Variants in ITM2B observed in about 807,000 individuals in gnomAD.
ITM2B encodes ABri/ADan amyloid peptide.
Under a neutral mutation model 27.8 loss-of-function variants are expected in ITM2B, and 11 were observed. That is an observed-to-expected ratio of 0.40 (90% CI 0.25 to 0.66). The LOEUF (loss-of-function observed/expected upper bound fraction) is 0.66, where lower values mean the gene tolerates loss of function less well. Ranked by LOEUF, ITM2B falls within the 30% of genes least tolerant of loss-of-function variation. The pLI, the probability that ITM2B is intolerant of heterozygous loss-of-function variation, is 0.43. For synonymous variants in ITM2B, 114 were observed against 114.3 expected (o/e 1.00, Z 0.02); for missense variants, 296 against 328.9 (o/e 0.90, Z 0.77).
intron 1 of ITM2B, among the ~76,000 whole-genome samples, chr13:48,245,140 A>G (rs946824754): frequency 1.3e-5 from 2 of 152,216 alleles, no homozygotes; most frequent in African/African-American, 4.8e-5. Flanking sequence ...AGCCTGGCCA[A>G]CATGGTGAGA....
rs1951864196 is a variant in ITM2B, at chr13:48,268,298, TA to T, written c.*7075del. On this transcript the variant is annotated 3_prime_UTR_variant, in exon 6 of 6. Coordinates refer to ENST00000647800, the MANE Select transcript of ITM2B (RefSeq NM_021999.5). ...TGTGTGTGTGTGTGCTTTTTAAATTTATTTTTTATTTTTTTTTTTTTGAGAC... is the reference window on the plus strand; with the variant it reads ...TGTGTGTGTGTGTGCTTTTTAAATTTTTTTTTATTTTTTTTTTTTTGAGAC... 1 of 151,352 alleles carries T rather than the reference TA, an allele frequency of 6.6e-6. No homozygotes were observed. The highest frequency in any genetic ancestry group is 2.4e-5 in the African/African-American group (1 of 41,058). The allele number at this position is 151,352 out of a possible 1,614,324, so 9.4% of individuals were successfully genotyped here.
intron 1 of ITM2B, among the ~76,000 whole-genome samples, chr13:48,250,150 A>C (rs757342154): frequency 5.9e-5 from 9 of 152,196 alleles, no homozygotes; most frequent in Admixed American, 1.3e-4. Context: ...AGTATATTGC[A>C]AATAGCAAGC....
chr13:48,235,380 A>G (rs1021056988), intron 1 of ITM2B, among the ~76,000 whole-genome samples: 2 of 152,188 alleles, frequency 1.3e-5, no homozygotes, highest in Admixed American at 1.3e-4. Flanking sequence ...GAAAAATACT[A>G]CTGGGACTAA....
At position 48,262,608 on chromosome 13, in the gene ITM2B, A is replaced by T; in HGVS notation, c.*1384A>T. ...CATGAATTTTCAGGGAGCTGTGAACATTTAGGAGCACATTATTCATTCAGC... is the reference window on the plus strand; with the variant it reads ...CATGAATTTTCAGGGAGCTGTGAACTTTTAGGAGCACATTATTCATTCAGC... On this transcript the variant is annotated 3_prime_UTR_variant, in exon 6 of 6. Transcript: ENST00000647800. The T allele has an allele frequency of 6.6e-6, 1 of 152,096 alleles. No individual in the cohort carries two copies. Among genetic ancestry groups the T allele is most frequent in the East Asian group, 1.9e-4 (1 of 5,190 alleles). 9.4% of individuals were successfully genotyped at this position (152,096 alleles called of 1,614,324 possible).
At chr13:48,244,732 A>G (rs1020811107) in intron 1 of ITM2B, among the ~76,000 whole-genome samples, 1 of 152,120 alleles carries the variant, frequency 6.6e-6, no homozygotes, top group African/African-American at 2.4e-5. Context: ...TTTTTCTTTA[A>G]TCTTGACACT....
intron 1 of ITM2B, among the ~76,000 whole-genome samples, chr13:48,240,058 CACTT>C (rs1205909491): frequency 6.6e-6 from 1 of 152,196 alleles, no homozygotes; most frequent in Non-Finnish European, 1.5e-5. Flanking sequence ...TTGTCTCTAT[CACTT>C]ACTTTGATAC....
rs1242199991 is a variant in ITM2B at position 48,265,818 on chromosome 13, T to C, written c.*4594T>C. ...AGGTGACCCTTCCTCAAGAGAAGATTTTCCTGAACCATTAGGAAAGGCTTC... is the reference window on the plus strand; with the variant it reads ...AGGTGACCCTTCCTCAAGAGAAGATCTTCCTGAACCATTAGGAAAGGCTTC... On this transcript the variant is annotated 3_prime_UTR_variant, in exon 6 of 6. Transcript: ENST00000647800. 1 of 152,190 alleles carries C rather than the reference T, an allele frequency of 6.6e-6. No individual in the cohort carries two copies. The highest frequency in any genetic ancestry group is 1.5e-5 in the Non-Finnish European group (1 of 68,036). 9.4% of individuals were successfully genotyped at this position (152,190 alleles called of 1,614,324 possible). A position where few individuals can be genotyped will look rare whatever the true frequency, so the allele number is the denominator to read the frequency against.
chr13:48,244,454 C>G (rs1951714933), intron 1 of ITM2B, among the ~76,000 whole-genome samples: 1 of 152,200 alleles, frequency 6.6e-6, no homozygotes, highest in South Asian at 2.1e-4. Context: ...TGTAGAGAGA[C>G]AAGTATTCCT....
chr13:48,233,510 C>A, intron 1 of ITM2B, 33 bp downstream of exon 1: 2 of 1,428,422 alleles, frequency 1.4e-6, no homozygotes, highest in Non-Finnish European at 9.4e-7. Flanking sequence ...GAAGCGGGTG[C>A]TGGGCCCGGC....
chr13:48,243,374 A>G lies in ITM2B; in HGVS notation c.117+9897A>G, dbSNP rs533992866. Among the ~76,000 whole-genome samples the G allele has an allele frequency of 9.4e-4, 143 of 152,276 alleles. 1 individual carries two copies. The highest frequency in any genetic ancestry group is 3.1e-3 in the African/African-American group (130 of 41,546). On this transcript the variant is annotated intron_variant, in intron 1 of 5. Coordinates refer to ENST00000647800, the MANE Select transcript of ITM2B (RefSeq NM_021999.5). Reference sequence around the variant, plus strand: ...TTAAGTTCACATGTATGTGATTTTAATACTTTTTGCTACCATCCTTTGTAA... The same window carrying G: ...TTAAGTTCACATGTATGTGATTTTAGTACTTTTTGCTACCATCCTTTGTAA...
In ITM2B at chr13:48,261,424, G is replaced by C. The variant is rs910950038; in HGVS notation, c.*200G>C. 22 of 506,472 alleles carry C rather than the reference G, an allele frequency of 4.3e-5. No homozygotes were observed. The highest frequency in any genetic ancestry group is 5.2e-4 in the Middle Eastern group (1 of 1,906). The allele number at this position is 506,472 out of a possible 1,614,324, so 31.4% of individuals were successfully genotyped here. On this transcript the variant is annotated 3_prime_UTR_variant, in exon 6 of 6. Coordinates refer to ENST00000647800, the MANE Select transcript of ITM2B (RefSeq NM_021999.5). ...TCGAAGTGTGGTGTCTTTTATATTTGAATTAGTAACTGTATGAAGTCATAG... is the reference window on the plus strand; with the variant it reads ...TCGAAGTGTGGTGTCTTTTATATTTCAATTAGTAACTGTATGAAGTCATAG...
chr13:48,237,957 C>T (rs1405365391), intron 1 of ITM2B, among the ~76,000 whole-genome samples: 5 of 151,954 alleles, frequency 3.3e-5, no homozygotes, highest in African/African-American at 9.7e-5. Context: ...TTTTGGCAAA[C>T]GTGGCATTTT....
rs890919351 is a variant in ITM2B, at chr13:48,255,461, A to AT, written c.247-709dup. ...AGGTGCGTGGCACCATACCCAGCTA[A>AT]TTTTTTTATTTTTTGTGGAGACAGG... On this transcript the variant is annotated intron_variant, in intron 2 of 5. Coordinates refer to ENST00000647800, the MANE Select transcript of ITM2B (RefSeq NM_021999.5). 4.6e-5 allele frequency among the ~76,000 whole-genome samples: 7 copies of AT among 151,752 alleles called. No homozygotes were observed. The East Asian group carries it at 7.8e-4, about 17-fold the overall frequency.
chr13:48,267,057 T>C lies in ITM2B; in HGVS notation c.*5833T>C, dbSNP rs1402987395. 6.6e-6 allele frequency: 1 copy of C among 152,140 alleles called. No homozygotes were observed. The highest frequency in any genetic ancestry group is 1.5e-5 in the Non-Finnish European group (1 of 68,020). 9.4% of individuals were successfully genotyped at this position (152,140 alleles called of 1,614,324 possible). On this transcript the variant is annotated 3_prime_UTR_variant, in exon 6 of 6. Coordinates refer to ENST00000647800, the MANE Select transcript of ITM2B (RefSeq NM_021999.5). ...GAGGATGCCATTTGTATTTAGTAGATGAGGCCAGGCAGGATGCTAAATGTC... is the reference window on the plus strand; with the variant it reads ...GAGGATGCCATTTGTATTTAGTAGACGAGGCCAGGCAGGATGCTAAATGTC...
intron 4 of ITM2B, 137 bp downstream of exon 4, chr13:48,258,373 G>A: frequency 3.0e-6 from 2 of 659,100 alleles, no homozygotes; most frequent in Non-Finnish European, 5.5e-6. Context: ...TAATACTCAT[G>A]GTTTTTGTTT....
chr13:48,237,880 T>C (rs767347885), intron 1 of ITM2B, among the ~76,000 whole-genome samples: 2 of 152,190 alleles, frequency 1.3e-5, no homozygotes, highest in African/African-American at 4.8e-5. Flanking sequence ...TGTATGTCAG[T>C]GTCAGTAAAG....
intron 1 of ITM2B, among the ~76,000 whole-genome samples, chr13:48,247,125 C>T (rs541278850): frequency 6.8e-4 from 104 of 152,138 alleles, no homozygotes; most frequent in Non-Finnish European, 1.1e-3. Flanking sequence ...TGCGCTTGGC[C>T]GGGAAATCCT....
intron 1 of ITM2B, among the ~76,000 whole-genome samples, chr13:48,252,900 C>A (rs1951763110): frequency 6.6e-6 from 1 of 152,110 alleles, no homozygotes; most frequent in Non-Finnish European, 1.5e-5. Flanking sequence ...GGGTACAAAT[C>A]AGAAATTTGC....
At position 48,258,838 on chromosome 13, in the gene ITM2B, C is replaced by T. The variant is rs775963867; in HGVS notation, c.606C>T (p.His202=). ...YLPQSYLIHE[H]MVITDRIENI... ...CTCAGTCCTATCTGATTCATGAGCA[C>T]ATGGTTATTACTGATCGCATTGAAA... Residue 202 remains histidine, a synonymous_variant, in exon 5 of 6, where the codon CAC becomes CAT. Transcript: ENST00000647800. 5.0e-6 allele frequency: 8 copies of T among 1,613,620 alleles called. No homozygotes were observed. In the East Asian group the frequency reaches 8.9e-5, roughly 18 times the overall value.
Sources: gnomAD v4.1 joint callset for allele counts (sites outside exome capture counted in the v4.1 genomes callset) on GRCh38, gnomAD v4.1.1 for gene constraint, MANE v1.5 for transcripts, NCBI Gene and HGNC (gene_info 2026-07-23, HGNC 2026-07-21) for gene names.